The following EPC2 variants were observed in gnomAD, a reference collection of about 807,000 sequenced individuals.
EPC2 encodes enhancer of polycomb homolog 2.
In EPC2, 14 loss-of-function variants were observed where a neutral mutation model predicts 92.1. The observed-to-expected ratio is 0.15, with a 90% CI of 0.10 to 0.24. The LOEUF (loss-of-function observed/expected upper bound fraction) is 0.24, where lower values mean the gene tolerates loss of function less well. EPC2 is among the 10% of genes least tolerant of loss of function. The pLI is 1.00. For synonymous variants in EPC2, 340 were observed against 334.7 expected (o/e 1.02, Z -0.17); for missense variants, 755 against 971.5 (o/e 0.78, Z 2.96).
At chr2:148,712,880 C>T (rs1305754808) in intron 2 of EPC2, among the ~76,000 whole-genome samples, 1 of 151,866 alleles carries the variant, frequency 6.6e-6, no homozygotes, top group East Asian at 1.9e-4. Context: ...GAGATCCCAT[C>T]TAAAAAAGGA....
intron 2 of EPC2, among the ~76,000 whole-genome samples, chr2:148,699,828 C>G (rs938005650): frequency 4.6e-5 from 7 of 151,904 alleles, no homozygotes; most frequent in Non-Finnish European, 1.0e-4. Flanking sequence ...AGTGGCTGTA[C>G]CATTTTGCAT....
At chr2:148,776,856 C>CTCTCTTTTTTTTTTTTT (rs1247135854) in intron 10 of EPC2, among the ~76,000 whole-genome samples, 1 of 101,042 alleles carries the variant, frequency 9.9e-6, no homozygotes, top group African/African-American at 3.7e-5. Flanking sequence ...GTCTCTCTCT[C>CTCTCTTTTTTTTTTTTT]TTTTTTTTTT....
At chr2:148,654,977 G>T (rs1352568905) in intron 1 of EPC2, among the ~76,000 whole-genome samples, 1 of 152,130 alleles carries the variant, frequency 6.6e-6, no homozygotes, top group African/African-American at 2.4e-5. Context: ...GTACACTAGA[G>T]AAGTGAATAG....
chr2:148,671,287 A>ATTTTT (rs60048357), intron 1 of EPC2, among the ~76,000 whole-genome samples: 16 of 127,094 alleles, frequency 1.3e-4, no homozygotes, highest in African/African-American at 3.6e-4. Flanking sequence ...GTGGATTGTG[A>ATTTTT]TTTTTTTTTT....
chr2:148,709,279 A>G lies in EPC2; in HGVS notation c.313+18906A>G, dbSNP rs1682079250. ...AGAGAATAAAATACTTAGGAATCCA[A>G]CTTACAAGGGATGTGAAGGACCTCT... On this transcript the variant is annotated intron_variant, in intron 2 of 13. Transcript: ENST00000258484. Among the ~76,000 whole-genome samples the G allele has an allele frequency of 3.3e-5, 5 of 152,166 alleles. No individual in the cohort carries two copies. In the South Asian group the frequency reaches 1.0e-3, roughly 32 times the overall value.
At chr2:148,742,991 T>G (rs1028813606) in intron 2 of EPC2, among the ~76,000 whole-genome samples, 4 of 152,126 alleles carry the variant, frequency 2.6e-5, no homozygotes, top group Non-Finnish European at 5.9e-5. Context: ...TTTAAAAAGT[T>G]TATATAGTCA....
intron 8 of EPC2, among the ~76,000 whole-genome samples, chr2:148,770,247 C>T (rs898628370): frequency 2.0e-5 from 3 of 152,048 alleles, no homozygotes; most frequent in Non-Finnish European, 4.4e-5. Flanking sequence ...GCTACGTTGC[C>T]CAGGCTGGTC....
intron 2 of EPC2, among the ~76,000 whole-genome samples, chr2:148,702,477 C>T (rs1288860024): frequency 6.6e-6 from 1 of 152,148 alleles, no homozygotes; most frequent in Non-Finnish European, 1.5e-5. Flanking sequence ...GCAGGGCTTC[C>T]CCAGCTCTGA....
intron 2 of EPC2, among the ~76,000 whole-genome samples, chr2:148,710,002 C>G (rs555566166): frequency 6.6e-6 from 1 of 151,504 alleles, no homozygotes; most frequent in East Asian, 1.9e-4. Context: ...CAAATGGGAT[C>G]TAATTAAACT....
At chr2:148,687,912 T>C (rs1558809814) in intron 1 of EPC2, among the ~76,000 whole-genome samples, 1 of 152,334 alleles carries the variant, frequency 6.6e-6, no homozygotes, top group East Asian at 1.9e-4. Context: ...CTTACCTTCC[T>C]TTTAAAGTAC....
At chr2:148,708,724 A>G (rs1192458346) in intron 2 of EPC2, among the ~76,000 whole-genome samples, 1 of 152,234 alleles carries the variant, frequency 6.6e-6, no homozygotes, top group Non-Finnish European at 1.5e-5. Context: ...CATCCTGTAA[A>G]GAGAACCAAA....
intron 4 of EPC2, among the ~76,000 whole-genome samples, chr2:148,756,033 C>T (rs969943903): frequency 6.6e-6 from 1 of 152,130 alleles, no homozygotes; most frequent in African/African-American, 2.4e-5. Flanking sequence ...TTAAGATTAG[C>T]AGTATTTATT....
rs1683758387 is a variant in EPC2 at position 148,644,810 on chromosome 2, T to A, written c.-208T>A. Among the ~76,000 whole-genome samples the A allele has an allele frequency of 7.3e-6, 1 of 137,246 alleles. No individual in the cohort carries two copies. The highest frequency in any genetic ancestry group is 2.4e-4 in the South Asian group (1 of 4,236). The allele number at this position is 137,246 out of a possible 152,430, so 90.0% of individuals were successfully genotyped here. A position where few individuals can be genotyped will look rare whatever the true frequency, so the allele number is the denominator to read the frequency against. On this transcript the variant is annotated 5_prime_UTR_variant, in exon 1 of 14. Coordinates refer to ENST00000258484, the MANE Select transcript of EPC2 (RefSeq NM_015630.4). ...GCGGATCGGGCGGGCGAGCGGCGGA[T>A]CTAGTGTGTGGAGGCGGCCGCGGGC...
At chr2:148,685,334 C>G (rs947993104) in intron 1 of EPC2, among the ~76,000 whole-genome samples, 3 of 151,738 alleles carry the variant, frequency 2.0e-5, no homozygotes, top group Non-Finnish European at 2.9e-5. Flanking sequence ...CCTTTGTTTT[C>G]TTCTGTCTAT....
At chr2:148,753,699 T>C (rs1030342549) in intron 3 of EPC2, among the ~76,000 whole-genome samples, 1 of 152,176 alleles carries the variant, frequency 6.6e-6, no homozygotes, top group African/African-American at 2.4e-5. Flanking sequence ...TTCTTAAATA[T>C]TATCAGTGGT....
chr2:148,777,087 T>G (rs1211575350), intron 10 of EPC2, among the ~76,000 whole-genome samples: 1 of 151,866 alleles, frequency 6.6e-6, no homozygotes, highest in East Asian at 1.9e-4. Context: ...CTTGAACCCC[T>G]GACCTCAGGT....
At position 148,786,454 on chromosome 2, in the gene EPC2, C is replaced by T. The variant is rs1683868808; in HGVS notation, c.*77C>T. The T allele has an allele frequency of 8.7e-7, 1 of 1,147,866 alleles. No individual in the cohort carries two copies. The highest frequency in any genetic ancestry group is 1.5e-5 in the African/African-American group (1 of 65,520). 71.1% of individuals were successfully genotyped at this position (1,147,866 alleles called of 1,614,324 possible). A position where few individuals can be genotyped will look rare whatever the true frequency, so the allele number is the denominator to read the frequency against. ...CCAGCTGAATGCAAAAGGCAACACT[C>T]TGTGGATCACAGAGTGTAACAATGG... On this transcript the variant is annotated 3_prime_UTR_variant, in exon 14 of 14. Coordinates refer to ENST00000258484, the MANE Select transcript of EPC2 (RefSeq NM_015630.4).
At chr2:148,765,918 C>T (rs149264850) in intron 7 of EPC2, among the ~76,000 whole-genome samples, 5,790 of 152,126 alleles carry the variant, frequency 0.038, 151 homozygotes, top group Middle Eastern at 0.054. Context: ...CGCCTGTAGT[C>T]CCCGCTACTC....
chr2:148,735,585 A>G (rs1682733527), intron 2 of EPC2, among the ~76,000 whole-genome samples: 1 of 151,988 alleles, frequency 6.6e-6, no homozygotes. Flanking sequence ...GTCATATACT[A>G]CTGGCCAATA....
Sources: allele counts gnomAD v4.1 joint callset (sites outside exome capture counted in the v4.1 genomes callset), GRCh38; gene constraint gnomAD v4.1.1; transcripts MANE v1.5; gene names NCBI Gene and HGNC (gene_info 2026-07-23, HGNC 2026-07-21).